The following SMYD3 variants were observed in gnomAD, a reference collection of about 807,000 sequenced individuals.
SMYD3 encodes the protein histone-lysine N-methyltransferase SMYD3.
A neutral mutation model predicts 57.7 loss-of-function variants in SMYD3; 36 were observed. The observed-to-expected ratio is 0.62, with a 90% confidence interval of 0.48 to 0.82. The LOEUF is 0.82. SMYD3 is among the 40% of genes least tolerant of loss of function. SMYD3 has a pLI of 0.00. For missense variants in SMYD3, 515 were observed against 538.8 expected (o/e 0.96, Z 0.44); for synonymous variants, 211 against 195.0 (o/e 1.08, Z -0.68).
chr1:246,110,818 T>G (rs145905732), intron 5 of SMYD3, among the ~76,000 whole-genome samples: 1 of 152,350 alleles, frequency 6.6e-6, no homozygotes, highest in Non-Finnish European at 1.5e-5. Context: ...CAGCCCATCC[T>G]GCCTGGCTGC....
At chr1:246,255,975 T>TAGACAGACAGAC (rs1283409026) in intron 5 of SMYD3, among the ~76,000 whole-genome samples, 76 of 135,906 alleles carry the variant, frequency 5.6e-4, no homozygotes, top group East Asian at 2.6e-3. Flanking sequence ...GATAGATAGA[T>TAGACAGACAGAC]AGATAGATAG....
intron 5 of SMYD3, among the ~76,000 whole-genome samples, chr1:246,207,907 A>G (rs1009877525): frequency 2.0e-5 from 3 of 152,084 alleles, no homozygotes; most frequent in Non-Finnish European, 4.4e-5. Flanking sequence ...CCTGGGGAGC[A>G]GTAAATTTGG....
At chr1:245,905,479 G>T (rs897202972) in intron 8 of SMYD3, among the ~76,000 whole-genome samples, 9 of 152,370 alleles carry the variant, frequency 5.9e-5, no homozygotes, top group East Asian at 3.9e-4. Context: ...TGGCTGCGGG[G>T]TGAGGCTCCT....
At chr1:246,037,777 TTG>T (rs1212521125) in intron 5 of SMYD3, among the ~76,000 whole-genome samples, 1 of 152,232 alleles carries the variant, frequency 6.6e-6, no homozygotes, top group Non-Finnish European at 1.5e-5. Flanking sequence ...TGCTATTGCT[TTG>T]TTTTCCTGAG....
At chr1:245,913,871 T>C (rs1023316055) in intron 8 of SMYD3, among the ~76,000 whole-genome samples, 7 of 152,158 alleles carry the variant, frequency 4.6e-5, no homozygotes, top group African/African-American at 1.7e-4. Context: ...AAAATGCTTA[T>C]CAGCAACCAT....
At position 246,355,223 on chromosome 1, in the gene SMYD3, T is replaced by C. The variant is rs1008366173; in HGVS notation, c.165-129A>G. 1 of 857,142 alleles carries C rather than the reference T, an allele frequency of 1.2e-6. No homozygotes were observed. Among genetic ancestry groups the C allele is most frequent in the African/African-American group, 1.7e-5 (1 of 57,998 alleles). 53.1% of individuals were successfully genotyped at this position (857,142 alleles called of 1,614,324 possible). On this transcript the variant is annotated intron_variant, in intron 1 of 11. Transcript: ENST00000490107. This position sits in a 1 kb window ranked among gnomAD's most constrained non-coding sequence, Gnocchi z 5.0. ...GTTTACTCCATTATGTACAGTCCCT[T>C]AAGATTTGGATTTTCACACTGATGA... is the stretch of plus-strand genomic sequence containing the variant.
intron 5 of SMYD3, among the ~76,000 whole-genome samples, chr1:245,944,402 A>G (rs2057365614): frequency 6.6e-6 from 1 of 152,242 alleles, no homozygotes; most frequent in Admixed American, 6.5e-5. Context: ...ATTGCTACAA[A>G]GAGAATAAAA....
intron 11 of SMYD3, among the ~76,000 whole-genome samples, chr1:245,763,429 T>C (rs911004335): frequency 6.6e-6 from 1 of 152,108 alleles, no homozygotes; most frequent in African/African-American, 2.4e-5. Context: ...GAATTGGGCC[T>C]TAAAGGATCA....
chr1:245,858,159 C>A (rs1001843382), intron 10 of SMYD3, among the ~76,000 whole-genome samples: 1 of 152,170 alleles, frequency 6.6e-6, no homozygotes, highest in Non-Finnish European at 1.5e-5. Flanking sequence ...TCTGAGCCTG[C>A]GTTCCTCTAC....
chr1:246,279,390 G>T (rs560669179), intron 5 of SMYD3, among the ~76,000 whole-genome samples: 8 of 152,120 alleles, frequency 5.3e-5, no homozygotes, highest in African/African-American at 1.9e-4. Context: ...GCATGGTGGC[G>T]CGTGCCTGTA....
At chr1:246,121,560 T>A (rs1049285806) in intron 5 of SMYD3, among the ~76,000 whole-genome samples, 2 of 152,078 alleles carry the variant, frequency 1.3e-5, no homozygotes, top group African/African-American at 4.8e-5. Flanking sequence ...TAAGATACAG[T>A]GTAGTTTTTA....
intron 5 of SMYD3, among the ~76,000 whole-genome samples, chr1:246,027,964 G>C (rs2059605586): frequency 6.6e-6 from 1 of 152,174 alleles, no homozygotes; most frequent in Non-Finnish European, 1.5e-5. Context: ...ACATTAACAA[G>C]AGTTTGGAAG....
chr1:245,760,660 T>C (rs990190838), intron 11 of SMYD3, among the ~76,000 whole-genome samples: 3 of 152,166 alleles, frequency 2.0e-5, no homozygotes, highest in Non-Finnish European at 1.5e-5. Context: ...TGTGTGTCTA[T>C]GTTAGGTGGC....
At chr1:246,347,753 G>C (rs916305138) in intron 2 of SMYD3, among the ~76,000 whole-genome samples, 1 of 151,990 alleles carries the variant, frequency 6.6e-6, no homozygotes, top group Admixed American at 6.6e-5. Flanking sequence ...ACTACATATA[G>C]CCATCTTAAT....
intron 5 of SMYD3, among the ~76,000 whole-genome samples, chr1:246,136,908 C>T (rs577546533): frequency 2.0e-5 from 3 of 152,246 alleles, no homozygotes; most frequent in Middle Eastern, 3.4e-3. Flanking sequence ...TATGCACAGA[C>T]CTAACTAAAA....
chr1:246,085,696 A>C (rs563940382), intron 5 of SMYD3, among the ~76,000 whole-genome samples: 88 of 152,310 alleles, frequency 5.8e-4, no homozygotes, highest in Non-Finnish European at 1.1e-3. Context: ...GCTCACGTTT[A>C]ACTGCTTCTT....
At chr1:245,829,160 T>G (rs12407509) in intron 10 of SMYD3, among the ~76,000 whole-genome samples, 17,581 of 148,452 alleles carry the variant, frequency 0.12, 1,232 homozygotes, top group Admixed American at 0.2. Context: ...TAATGTGAGA[T>G]AGTATGAAAA....
At chr1:245,891,869 T>TC (rs1262107511) in intron 8 of SMYD3, among the ~76,000 whole-genome samples, 9 of 152,042 alleles carry the variant, frequency 5.9e-5, no homozygotes, top group African/African-American at 4.8e-5. Flanking sequence ...ACAGTGAGAC[T>TC]CCATCTCTAC....
Position 246,194,938 on chromosome 1 carries a change from A to G in SMYD3, c.531+132263T>C, listed in dbSNP as rs150758539. Among the ~76,000 whole-genome samples the G allele has an allele frequency of 3.2e-3, 490 of 152,318 alleles. 2 individuals are homozygous for G. Among genetic ancestry groups the G allele is most frequent in the Admixed American group, 7.3e-3 (112 of 15,300 alleles). On this transcript the variant is annotated intron_variant, in intron 5 of 11. Transcript: ENST00000490107. ...CGCTCACACTAAAGCTGTAACTACA[A>G]TCCATATACGTGTGTTCTCTTGTAC...
Sources: gnomAD v4.1 joint callset for allele counts (sites outside exome capture counted in the v4.1 genomes callset) on GRCh38, gnomAD v4.1.1 for gene constraint, Gnocchi (gnomAD v3.1) non-coding constraint, MANE v1.5 for transcripts, NCBI Gene and HGNC (gene_info 2026-07-23, HGNC 2026-07-21) for gene names.